PMEPA1: variants seen among roughly 807,000 people sequenced by gnomAD.
PMEPA1 encodes the protein protein TMEPAI.
Under a neutral mutation model 23.0 loss-of-function variants are expected in PMEPA1, and 11 were observed. That is an observed-to-expected ratio of 0.48 (90% CI 0.30 to 0.79). The LOEUF (loss-of-function observed/expected upper bound fraction) is 0.79. Among genes scored for constraint, PMEPA1 ranks in the 30% least tolerant of loss-of-function variants. The probability of loss-of-function intolerance (pLI) is 0.06; values close to 1 mark genes in which losing one functional copy is unlikely to be tolerated. For missense variants in PMEPA1, 377 were observed against 390.9 expected (o/e 0.96, Z 0.30); for synonymous variants, 204 against 166.4 (o/e 1.23, Z -1.74).
At chr20:57,670,973 C>G (rs1032390355) in intron 1 of PMEPA1, among the ~76,000 whole-genome samples, 1 of 152,120 alleles carries the variant, frequency 6.6e-6, no homozygotes, top group Non-Finnish European at 1.5e-5. Context: ...GAGGATGCAG[C>G]GCGGCCGTGG....
At chr20:57,681,442 G>T (rs986580659) in intron 1 of PMEPA1, among the ~76,000 whole-genome samples, 1 of 152,184 alleles carries the variant, frequency 6.6e-6, no homozygotes, top group African/African-American at 2.4e-5. Flanking sequence ...GTGACAGCGA[G>T]AGACCTCTCT....
chr20:57,687,126 C>G (rs1020466312), intron 1 of PMEPA1, among the ~76,000 whole-genome samples: 1 of 152,246 alleles, frequency 6.6e-6, no homozygotes, highest in Admixed American at 6.5e-5. Context: ...CTGGTTCTGC[C>G]CCAGACGTGG....
At chr20:57,669,220 T>C (rs184272318) in intron 1 of PMEPA1, among the ~76,000 whole-genome samples, 3 of 152,190 alleles carry the variant, frequency 2.0e-5, no homozygotes, top group Non-Finnish European at 4.4e-5. Context: ...TGGAGTGCAG[T>C]GGTGCAATCT....
intron 1 of PMEPA1, among the ~76,000 whole-genome samples, chr20:57,674,236 A>T (rs764805203): frequency 3.9e-4 from 59 of 152,208 alleles, no homozygotes; most frequent in Non-Finnish European, 7.2e-4. Flanking sequence ...TGACCTGATA[A>T]GAAGAGACAG....
chr20:57,675,352 G>GC, intron 1 of PMEPA1, among the ~76,000 whole-genome samples: 1 of 152,348 alleles, frequency 6.6e-6, no homozygotes, highest in Middle Eastern at 3.4e-3. Flanking sequence ...CGGCAGCCAT[G>GC]CCTTCACCTC....
chr20:57,668,660 A>C (rs547629818), intron 1 of PMEPA1, among the ~76,000 whole-genome samples: 102 of 152,336 alleles, frequency 6.7e-4, no homozygotes, highest in African/African-American at 2.4e-3. Context: ...GGATATTTTC[A>C]GGTGTGAACC....
chr20:57,654,519 C>T (rs544413638), intron 2 of PMEPA1, among the ~76,000 whole-genome samples: 2 of 152,108 alleles, frequency 1.3e-5, no homozygotes, highest in Non-Finnish European at 2.9e-5. Flanking sequence ...TTAAGGAGGT[C>T]TTAACTGCCT....
chr20:57,666,376 G>C (rs2071492506), intron 1 of PMEPA1, among the ~76,000 whole-genome samples: 1 of 152,086 alleles, frequency 6.6e-6, no homozygotes, highest in Non-Finnish European at 1.5e-5. Flanking sequence ...TCATCTGATT[G>C]AATTCTCACC....
rs897820991 is a variant in PMEPA1, at chr20:57,683,594, A to G, written c.110-23897T>C. ...GTGTGTGTGTGTGTGTTTCTTTTAA[A>G]AGTCTCTTCCCCTGAAAATACTTCA... On this transcript the variant is annotated intron_variant, in intron 1 of 3. Coordinates refer to ENST00000341744, the MANE Select transcript of PMEPA1 (RefSeq NM_020182.5). This position sits in a 1 kb window ranked among gnomAD's most constrained non-coding sequence, Gnocchi z 4.3. Among the ~76,000 whole-genome samples the G allele has an allele frequency of 8.8e-6, 1 of 114,174 alleles. No homozygotes were observed. The highest frequency in any genetic ancestry group is 1.7e-5 in the Non-Finnish European group (1 of 57,600). The allele number at this position is 114,174 out of a possible 152,430, so 74.9% of individuals were successfully genotyped here.
intron 1 of PMEPA1, among the ~76,000 whole-genome samples, chr20:57,686,660 A>G (rs1340851062): frequency 1.3e-5 from 2 of 152,272 alleles, no homozygotes; most frequent in Non-Finnish European, 2.9e-5. Context: ...CTCTTTCAAC[A>G]GCGAGGCCCT....
intron 1 of PMEPA1, among the ~76,000 whole-genome samples, chr20:57,670,642 G>C (rs1294117077): frequency 2.0e-5 from 3 of 152,164 alleles, no homozygotes; most frequent in African/African-American, 7.2e-5. Flanking sequence ...GTCTGAGCCT[G>C]TCAGGCTGGG....
At chr20:57,659,843 G>A in intron 1 of PMEPA1, 146 bp from the exon 2 acceptor site, 1 of 729,610 alleles carries the variant, frequency 1.4e-6, no homozygotes, top group Non-Finnish European at 2.3e-6. Context: ...CTCCCGGCAA[G>A]GTCACAGGCG....
intron 1 of PMEPA1, among the ~76,000 whole-genome samples, chr20:57,708,569 G>A (rs1389986375): frequency 1.3e-5 from 2 of 152,312 alleles, no homozygotes; most frequent in Admixed American, 6.5e-5. Context: ...GGGCCAGGCA[G>A]TCCCAAACAC....
intron 1 of PMEPA1, among the ~76,000 whole-genome samples, chr20:57,698,866 T>C (rs973388945): frequency 3.9e-5 from 6 of 152,234 alleles, no homozygotes; most frequent in African/African-American, 1.2e-4. Flanking sequence ...TTTTATTTTT[T>C]ATTCCTTAAA....
chr20:57,690,523 A>G, intron 1 of PMEPA1: 1 of 1,298,498 alleles, frequency 7.7e-7, no homozygotes, highest in Non-Finnish European at 1.0e-6. Context: ...TTTATTGTGA[A>G]GCAAAAAAGA....
chr20:57,676,224 T>C (rs2071634605), intron 1 of PMEPA1, among the ~76,000 whole-genome samples: 1 of 152,232 alleles, frequency 6.6e-6, no homozygotes, highest in African/African-American at 2.4e-5. Flanking sequence ...GTGTGGTGTC[T>C]GTGGTGACCT....
intron 1 of PMEPA1, among the ~76,000 whole-genome samples, chr20:57,660,192 C>G (rs149802990): frequency 6.6e-6 from 1 of 152,002 alleles, no homozygotes; most frequent in African/African-American, 2.4e-5. Flanking sequence ...CCCCTGAGTG[C>G]GGAGAGAGGA....
Position 57,652,529 on chromosome 20 carries a change from A to T in PMEPA1, c.388T>A (p.Phe130Ile). The change falls in exon 4 of 4, where the codon TTC becomes ATC. Residue 130 changes from phenylalanine to isoleucine, a missense_variant. Coordinates refer to ENST00000341744, the MANE Select transcript of PMEPA1 (RefSeq NM_020182.5). This position sits in a 1 kb window ranked among gnomAD's most constrained non-coding sequence, Gnocchi z 6.1. ...GGATAGGTGGGCTGGAAGCGGTGGA[A>T]GCGCTCCCGCTGGGCGAAGGGCGGC... is the stretch of plus-strand genomic sequence containing the variant. The part of the protein sequence containing the change: ...AVPPFAQRER[F>I]HRFQPTYPYL... 2 of 1,565,400 alleles carry T rather than the reference A, an allele frequency of 1.3e-6. No homozygotes were observed. The highest frequency in any genetic ancestry group is 1.7e-6 in the Non-Finnish European group (2 of 1,153,992).
At chr20:57,658,355 C>T (rs568260302) in intron 2 of PMEPA1, among the ~76,000 whole-genome samples, 1 of 152,186 alleles carries the variant, frequency 6.6e-6, no homozygotes, top group Non-Finnish European at 1.5e-5. Flanking sequence ...AAGAGCAGCT[C>T]GCCCCAACTT....
Sources: gnomAD v4.1 joint callset for allele counts (sites outside exome capture counted in the v4.1 genomes callset) on GRCh38, gnomAD v4.1.1 for gene constraint, Gnocchi (gnomAD v3.1) non-coding constraint, MANE v1.5 for transcripts, NCBI Gene and HGNC (gene_info 2026-07-23, HGNC 2026-07-21) for gene names.